The following DPYSL3 variants were observed in gnomAD, a reference collection of about 807,000 sequenced individuals.
The protein encoded by DPYSL3 is dihydropyrimidinase-related protein 3.
Under a neutral mutation model 66.1 loss-of-function variants are expected in DPYSL3, and 16 were observed. The observed-to-expected ratio is 0.24, with a 90% CI of 0.16 to 0.37. DPYSL3 has a LOEUF of 0.37. Among genes scored for constraint, DPYSL3 ranks in the 10% least tolerant of loss-of-function variants. The pLI is 1.00. For synonymous variants in DPYSL3, 338 were observed against 345.1 expected, an observed-to-expected ratio of 0.98 and a Z score of 0.23; for missense variants, 738 against 916.2, an observed-to-expected ratio of 0.81 and a Z score of 2.51.
intron 1 of DPYSL3, among the ~76,000 whole-genome samples, chr5:147,452,642 C>T (rs934313726): frequency 1.2e-4 from 19 of 152,188 alleles, no homozygotes; most frequent in Admixed American, 6.5e-5. Flanking sequence ...TTGCTGGGCG[C>T]CGGTGAAGAC....
intron 3 of DPYSL3, among the ~76,000 whole-genome samples, chr5:147,417,026 C>A (rs1751984389): frequency 6.6e-6 from 1 of 152,148 alleles, no homozygotes; most frequent in Non-Finnish European, 1.5e-5. Context: ...CAATATACAG[C>A]CAAACTCTAA....
chr5:147,462,108 T>C (rs1421423952), intron 1 of DPYSL3, among the ~76,000 whole-genome samples: 2 of 151,914 alleles, frequency 1.3e-5, no homozygotes, highest in East Asian at 3.9e-4. Context: ...TACCAGAGCA[T>C]GACTCAATCA....
intron 1 of DPYSL3, among the ~76,000 whole-genome samples, chr5:147,455,725 G>T (rs913521515): frequency 2.6e-5 from 4 of 150,968 alleles, no homozygotes; most frequent in Non-Finnish European, 5.9e-5. Context: ...TTTTTCTCAA[G>T]AAAAGCAAAA....
rs372399159 is a variant in DPYSL3, at chr5:147,401,602, C to G, written c.1248G>C (p.Val416=). ...SKNWAKAAAF[V]TSPPLSPDPT... ...GGTCAGGGCTCAGGGGTGGGGATGT[C>G]ACAAATGCAGCCGCCTTGGCCCAGT... Residue 416 remains valine (V), a synonymous_variant, in exon 9 of 14, where the codon GTG becomes GTC. Coordinates refer to ENST00000343218, the MANE Select transcript of DPYSL3 (RefSeq NM_001197294.2). 7 of 1,613,840 alleles carry G rather than the reference C, an allele frequency of 4.3e-6. No homozygotes were observed. The highest frequency in any genetic ancestry group is 5.9e-6 in the Non-Finnish European group (7 of 1,179,994).
rs768011890 is a variant in DPYSL3 at position 147,412,719 on chromosome 5, G to A, written c.883-31C>T. The A allele has an allele frequency of 3.8e-6, 6 of 1,591,304 alleles. No individual in the cohort carries two copies. In the African/African-American group the frequency reaches 5.4e-5, roughly 14 times the overall value. On this transcript the variant is annotated intron_variant, in intron 5 of 13. Coordinates refer to ENST00000343218, the MANE Select transcript of DPYSL3 (RefSeq NM_001197294.2). ...ATAGAAATGAGTCTTTGTCACTCTT[G>A]CAAGCACTTTTAGCAGCCCCACAGA... is the stretch of plus-strand genomic sequence containing the variant.
At chr5:147,434,372 C>G (rs1475317612) in intron 1 of DPYSL3, among the ~76,000 whole-genome samples, 1 of 152,128 alleles carries the variant, frequency 6.6e-6, no homozygotes, top group East Asian at 1.9e-4. Context: ...CTCAAATACA[C>G]GTGCCATGGG....
intron 1 of DPYSL3, among the ~76,000 whole-genome samples, chr5:147,481,859 C>A (rs944432300): frequency 1.3e-5 from 2 of 152,138 alleles, no homozygotes; most frequent in African/African-American, 2.4e-5. Context: ...AATTTATGTT[C>A]ATTATAAATT....
chr5:147,394,207 AT>A, intron 13 of DPYSL3, 84 bp from the exon 14 acceptor site: 2 of 1,394,938 alleles, frequency 1.4e-6, no homozygotes, highest in Non-Finnish European at 1.0e-6. Context: ...AACTGGGTTA[AT>A]TTTAAGAGTG....
At chr5:147,480,742 G>A (rs972100041) in intron 1 of DPYSL3, among the ~76,000 whole-genome samples, 1 of 143,284 alleles carries the variant, frequency 7.0e-6, no homozygotes, top group African/African-American at 2.5e-5. Flanking sequence ...ATTATTATGA[G>A]AAGGAGTTTC....
chr5:147,408,944 G>A (rs1751785007), intron 6 of DPYSL3, 148 bp from the exon 7 acceptor site: 3 of 737,788 alleles, frequency 4.1e-6, no homozygotes, highest in South Asian at 1.9e-5. Context: ...TGCAATATAG[G>A]GTAGACTCAA....
intron 1 of DPYSL3, among the ~76,000 whole-genome samples, chr5:147,449,318 C>A (rs1422604387): frequency 6.6e-6 from 1 of 152,230 alleles, no homozygotes; most frequent in Non-Finnish European, 1.5e-5. Context: ...GATCACAGAG[C>A]TCTGACTACA....
At chr5:147,439,276 G>A (rs749564023) in intron 1 of DPYSL3, among the ~76,000 whole-genome samples, 23 of 152,278 alleles carry the variant, frequency 1.5e-4, no homozygotes, top group African/African-American at 1.2e-4. Flanking sequence ...AGGGGACGGT[G>A]GAGGCTGGGA....
intron 1 of DPYSL3, chr5:147,472,663 G>A (rs1753101963): frequency 6.6e-6 from 1 of 152,238 alleles, no homozygotes; most frequent in East Asian, 1.9e-4. Flanking sequence ...GTATGACCCT[G>A]CCTTTAAGTA....
At chr5:147,436,944 G>T (rs775795408) in intron 1 of DPYSL3, among the ~76,000 whole-genome samples, 17 of 152,214 alleles carry the variant, frequency 1.1e-4, no homozygotes, top group Non-Finnish European at 2.4e-4. Context: ...CAATGTAGCA[G>T]GTCACTGAAA....
At chr5:147,463,175 T>G (rs1752960331) in intron 1 of DPYSL3, among the ~76,000 whole-genome samples, 1 of 152,112 alleles carries the variant, frequency 6.6e-6, no homozygotes, top group Non-Finnish European at 1.5e-5. Flanking sequence ...CACACACCTG[T>G]GGCCCTTATG....
chr5:147,402,546 ACCGTGTTAG>A (rs1477669001), intron 8 of DPYSL3, among the ~76,000 whole-genome samples: 2 of 141,276 alleles, frequency 1.4e-5, no homozygotes, highest in Admixed American at 6.7e-5. Flanking sequence ...ACGGGGTTTC[ACCGTGTTAG>A]CCAGGATGGT....
chr5:147,489,605 A>C (rs956725026), intron 1 of DPYSL3, among the ~76,000 whole-genome samples: 2 of 152,182 alleles, frequency 1.3e-5, no homozygotes, highest in Non-Finnish European at 2.9e-5. Flanking sequence ...CTTGAACCTC[A>C]TATTTGTGCC....
At chr5:147,506,653 C>A (rs529253590) in intron 1 of DPYSL3, among the ~76,000 whole-genome samples, 1 of 152,002 alleles carries the variant, frequency 6.6e-6, no homozygotes, top group Admixed American at 6.6e-5. Flanking sequence ...GATAATTGCC[C>A]TCATACATGT....
At chr5:147,449,041 T>G (rs975610154) in intron 1 of DPYSL3, among the ~76,000 whole-genome samples, 2 of 152,202 alleles carry the variant, frequency 1.3e-5, no homozygotes, top group African/African-American at 4.8e-5. Flanking sequence ...ACTCCTCTTC[T>G]TTTGGTTTCC....
Sources: gnomAD v4.1 joint callset for allele counts (sites outside exome capture counted in the v4.1 genomes callset) on GRCh38, gnomAD v4.1.1 for gene constraint, MANE v1.5 for transcripts, NCBI Gene and HGNC (gene_info 2026-07-23, HGNC 2026-07-21) for gene names.